The following PDE8A variants were observed in gnomAD, a reference collection of about 807,000 sequenced individuals.
The protein encoded by PDE8A is phosphodiesterase 8A.
A neutral mutation model predicts 105.0 loss-of-function variants in PDE8A; 59 were observed. The observed-to-expected ratio is 0.56, with a 90% CI of 0.46 to 0.70. PDE8A has a LOEUF of 0.70. Among genes scored for constraint, PDE8A ranks in the 30% least tolerant of loss-of-function variants. The probability of loss-of-function intolerance (pLI) is 0.00; values close to 1 mark genes in which losing one functional copy is unlikely to be tolerated. For synonymous variants in PDE8A, 355 were observed against 371.9 expected (o/e 0.95, Z 0.52); for missense variants, 1,014 against 1,045.9 (o/e 0.97, Z 0.42).
At position 85,118,108 on chromosome 15, in the gene PDE8A, ATTC is replaced by A. The variant is rs1471410850; in HGVS notation, c.1734+274_1734+276del. 3.3e-5 allele frequency among the ~76,000 whole-genome samples: 5 copies of A among 152,260 alleles called. No homozygotes were observed. In the East Asian group the frequency reaches 9.6e-4, roughly 29 times the overall value. ...AACCTAACAAGGACAGGATAGGGCT[ATTC>A]TTCTGGGGGTCTCACTCCAAGCCTG... On this transcript the variant is annotated intron_variant, in intron 17 of 21. Transcript: ENST00000394553.
intron 1 of PDE8A, among the ~76,000 whole-genome samples, chr15:85,061,990 TTCGTACA>T (rs1259879184): frequency 3.9e-5 from 6 of 152,228 alleles, no homozygotes; most frequent in South Asian, 4.1e-4. Context: ...TTTCATGTTG[TTCGTACA>T]TCATTTTCTT....
At position 85,109,054 on chromosome 15, in the gene PDE8A, T is replaced by A. The variant is rs775593345; in HGVS notation, c.1038T>A (p.Asp346Glu). Reference protein sequence around the residue: ...SECVQSDTHTDNQTGKHKDRR... With the variant: ...SECVQSDTHTENQTGKHKDRR... ...GTGATTTATCATTTGTTTCTACAGA[T>A]AATCAGACAGGCAAACATAAAGACA... The change falls in exon 12 of 22, where the codon GAT becomes GAA. Residue 346 changes from aspartate to glutamate, a missense_variant and splice_region_variant. Physicochemically the swap from Asp to Glu is conservative, Grantham distance 45 (BLOSUM62 2). Coordinates refer to ENST00000394553, the MANE Select transcript of PDE8A (RefSeq NM_002605.3). The A allele has an allele frequency of 1.3e-6, 2 of 1,599,616 alleles. No homozygotes were observed. Among genetic ancestry groups the A allele is most frequent in the Non-Finnish European group, 1.7e-6 (2 of 1,167,356 alleles).
At chr15:85,005,027 T>A (rs2080123645) in intron 1 of PDE8A, among the ~76,000 whole-genome samples, 1 of 152,162 alleles carries the variant, frequency 6.6e-6, no homozygotes, top group African/African-American at 2.4e-5. Flanking sequence ...CTAAAGTTTG[T>A]CTTTTCATCT....
chr15:85,044,708 A>G (rs1297250748), intron 1 of PDE8A, among the ~76,000 whole-genome samples: 2 of 152,206 alleles, frequency 1.3e-5, no homozygotes, highest in South Asian at 2.1e-4. Flanking sequence ...CCAAGCCACC[A>G]TCTTCTCTTG....
At chr15:85,041,042 C>T (rs1567244156) in intron 1 of PDE8A, among the ~76,000 whole-genome samples, 2 of 152,152 alleles carry the variant, frequency 1.3e-5, no homozygotes, top group African/African-American at 4.8e-5. Context: ...CATATGTCCC[C>T]TTACAGATCT....
At chr15:85,070,162 T>A (rs914170357) in intron 3 of PDE8A, among the ~76,000 whole-genome samples, 3 of 152,168 alleles carry the variant, frequency 2.0e-5, no homozygotes, top group Non-Finnish European at 4.4e-5. Flanking sequence ...CAACACTGCC[T>A]ATGGAGAGCT....
At chr15:84,982,800 C>T (rs2079739411) in intron 1 of PDE8A, among the ~76,000 whole-genome samples, 1 of 152,228 alleles carries the variant, frequency 6.6e-6, no homozygotes, top group African/African-American at 2.4e-5. Context: ...CACTCTTTTC[C>T]CTCTGTCAGC....
At chr15:85,005,472 T>C (rs2080131518) in intron 1 of PDE8A, among the ~76,000 whole-genome samples, 1 of 152,216 alleles carries the variant, frequency 6.6e-6, no homozygotes, top group East Asian at 1.9e-4. Flanking sequence ...TTTTAGAATT[T>C]GAATAGCTTG....
At chr15:84,992,798 C>T (rs945472523) in intron 1 of PDE8A, among the ~76,000 whole-genome samples, 2 of 152,134 alleles carry the variant, frequency 1.3e-5, no homozygotes, top group Non-Finnish European at 2.9e-5. Flanking sequence ...TGATAACATG[C>T]CACAATTTGT....
At chr15:85,095,087 G>T (rs2081720673) in intron 8 of PDE8A, among the ~76,000 whole-genome samples, 1 of 152,132 alleles carries the variant, frequency 6.6e-6, no homozygotes, top group East Asian at 1.9e-4. Flanking sequence ...GACAGCGGGT[G>T]CCAAGAGGGA....
At chr15:85,075,957 A>AGT in intron 4 of PDE8A, 39 bp downstream of exon 4, 1 of 1,139,218 alleles carries the variant, frequency 8.8e-7, no homozygotes, top group African/African-American at 1.6e-5. Context: ...TTGAGGTACC[A>AGT]GTGTAATACT....
At chr15:85,081,047 T>C (rs1262465449) in intron 5 of PDE8A, among the ~76,000 whole-genome samples, 2 of 152,180 alleles carry the variant, frequency 1.3e-5, no homozygotes, top group Non-Finnish European at 2.9e-5. Context: ...TCTCTTACTT[T>C]TGTGTGACAA....
chr15:85,003,705 G>A (rs2080101487), intron 1 of PDE8A, among the ~76,000 whole-genome samples: 1 of 152,174 alleles, frequency 6.6e-6, no homozygotes, highest in Non-Finnish European at 1.5e-5. Context: ...AGAAGAATAG[G>A]TAATTTGTAG....
chr15:85,095,206 C>T (rs751364013), intron 8 of PDE8A, among the ~76,000 whole-genome samples: 2 of 152,148 alleles, frequency 1.3e-5, no homozygotes, highest in Non-Finnish European at 2.9e-5. Flanking sequence ...TGCAAACCAC[C>T]TGCACCCAAA....
At chr15:84,988,435 TCATCTTCAGCCCTGTGC>T (rs2079837295) in intron 1 of PDE8A, among the ~76,000 whole-genome samples, 1 of 152,254 alleles carries the variant, frequency 6.6e-6, no homozygotes, top group South Asian at 2.1e-4. Context: ...GAAGTTGAAG[TCATCTTCAGCCCTGTGC>T]CAGTTAACTC....
intron 1 of PDE8A, among the ~76,000 whole-genome samples, chr15:85,037,982 C>G (rs1308315474): frequency 1.3e-5 from 2 of 152,168 alleles, no homozygotes; most frequent in African/African-American, 4.8e-5. Flanking sequence ...TTTCTCCCAA[C>G]AATACTCTTG....
chr15:85,009,216 G>C (rs1303567158), intron 1 of PDE8A, among the ~76,000 whole-genome samples: 1 of 151,864 alleles, frequency 6.6e-6, no homozygotes, highest in East Asian at 1.9e-4. Context: ...TTTGTGACTA[G>C]GCAAAGGCAG....
intron 1 of PDE8A, among the ~76,000 whole-genome samples, chr15:85,005,264 A>G (rs1228474282): frequency 1.3e-5 from 2 of 152,024 alleles, no homozygotes; most frequent in African/African-American, 4.8e-5. Flanking sequence ...GCTGCCATGC[A>G]CCACCACATC....
intron 1 of PDE8A, among the ~76,000 whole-genome samples, chr15:85,026,763 TCAAAACAAAAAACAAAA>T (rs953570779): frequency 7.9e-5 from 12 of 151,874 alleles, no homozygotes; most frequent in African/African-American, 2.9e-4. Context: ...TGGCCCTGTC[TCAAAACAAAAAACAAAA>T]CAAAACAAAA....
Sources: allele counts gnomAD v4.1 joint callset (sites outside exome capture counted in the v4.1 genomes callset), GRCh38; gene constraint gnomAD v4.1.1; transcripts MANE v1.5; gene names NCBI Gene and HGNC (gene_info 2026-07-23, HGNC 2026-07-21).